MIS18A: variants seen among roughly 807,000 people sequenced by gnomAD.
The protein encoded by MIS18A is protein Mis18-alpha.
Under a neutral mutation model 25.0 loss-of-function variants are expected in MIS18A, and 14 were observed. That is an observed-to-expected ratio of 0.56 (90% CI 0.37 to 0.88). MIS18A has a LOEUF of 0.88. MIS18A is among the 40% of genes least tolerant of loss of function. The pLI, the probability that MIS18A is intolerant of heterozygous loss-of-function variation, is 0.00. For synonymous variants in MIS18A, 134 were observed against 118.6 expected (o/e 1.13, Z -0.84); for missense variants, 292 against 290.8 (o/e 1.00, Z -0.03).
chr21:32,176,711 T>C, the MIS18A span, among the ~76,000 whole-genome samples: 1 of 150,028 alleles, frequency 6.7e-6, no homozygotes, highest in Non-Finnish European at 1.5e-5. Flanking sequence ...AGGAAGGTAA[T>C]AATAAAGAAA....
the MIS18A span, chr21:32,260,253 G>T: frequency 1.3e-5 from 2 of 152,208 alleles, no homozygotes; most frequent in South Asian, 4.2e-4. Flanking sequence ...AATAAGGTCA[G>T]ACCATGCTGA....
At chr21:32,238,998 CTAACA>C in the MIS18A span, among the ~76,000 whole-genome samples, 1 of 151,978 alleles carries the variant, frequency 6.6e-6, no homozygotes, top group African/African-American at 2.4e-5. Flanking sequence ...CGGATTCCAC[CTAACA>C]TAACATTGTC....
the MIS18A span, chr21:32,260,206 G>A: frequency 1.3e-5 from 2 of 151,382 alleles, no homozygotes; most frequent in African/African-American, 2.4e-5. Flanking sequence ...AGTATTCCAG[G>A]AACAGTTCCC....
the MIS18A span, among the ~76,000 whole-genome samples, chr21:32,209,649 T>C: frequency 1.3e-5 from 2 of 152,294 alleles, no homozygotes; most frequent in South Asian, 4.1e-4. Flanking sequence ...GTAGTCCCCA[T>C]AATCCTCATG....
At chr21:32,242,444 GA>G in the MIS18A span, among the ~76,000 whole-genome samples, 8 of 151,918 alleles carry the variant, frequency 5.3e-5, no homozygotes, top group East Asian at 1.2e-3. Context: ...TTTGGTTGGG[GA>G]AAAAGGTCAT....
At chr21:32,272,284 A>AT (rs1460014332) in intron 2 of MIS18A, among the ~76,000 whole-genome samples, 1 of 152,240 alleles carries the variant, frequency 6.6e-6, no homozygotes, top group Non-Finnish European at 1.5e-5. Context: ...CCTTCACAAC[A>AT]TATTTCTAAA....
the MIS18A span, among the ~76,000 whole-genome samples, chr21:32,196,087 G>C: frequency 7.6e-3 from 1,155 of 152,256 alleles, 12 homozygotes; most frequent in Non-Finnish European, 0.012. Flanking sequence ...TGGGCCATGG[G>C]GGTGTCCAGA....
Position 32,278,749 on chromosome 21 carries a change from C to A in MIS18A, c.266G>T (p.Arg89Leu). 1.3e-6 allele frequency: 2 copies of A among 1,577,284 alleles called. No individual in the cohort carries two copies. The highest frequency in any genetic ancestry group is 1.7e-6 in the Non-Finnish European group (2 of 1,167,770). ...RPLVFLCSGCRRPLGDSLSWV... is the reference protein window; with the variant it reads ...RPLVFLCSGCLRPLGDSLSWV... ...GCTCAGCGAGTCGCCCAGCGGCCGC[C>A]GGCAGCCGGAGCACAGGAACACCAG... The change falls in exon 1 of 5, where the codon CGG (arginine) becomes CTG (leucine). Residue 89 changes from arginine to leucine, a missense_variant. Arg to Leu is a moderately radical substitution (Grantham distance 102, BLOSUM62 -2). Transcript: ENST00000290130.
the MIS18A span, among the ~76,000 whole-genome samples, chr21:32,232,197 C>A: frequency 2.6e-5 from 4 of 151,774 alleles, no homozygotes; most frequent in African/African-American, 7.2e-5. Context: ...AGGATCTGAG[C>A]AAATATACCA....
chr21:32,201,926 G>A, the MIS18A span, among the ~76,000 whole-genome samples: 1 of 152,234 alleles, frequency 6.6e-6, no homozygotes. Context: ...AGAAAGCCGA[G>A]TATTAGCTGA....
the MIS18A span, among the ~76,000 whole-genome samples, chr21:32,237,979 T>C: frequency 6.6e-6 from 1 of 152,116 alleles, no homozygotes; most frequent in Non-Finnish European, 1.5e-5. Flanking sequence ...TGCCCTGTAA[T>C]CCCTGTGTCA....
In MIS18A at chr21:32,269,001, A is replaced by G; in HGVS notation, c.*36T>C. ...GCTTCATTTAACAAATAAGGGGAGG[A>G]AGGGCGGGGGCAGAATGGAGGACAC... On this transcript the variant is annotated 3_prime_UTR_variant, in exon 5 of 5. Transcript: ENST00000290130. 7.1e-7 allele frequency: 1 copy of G among 1,406,406 alleles called. No individual in the cohort carries two copies. Among genetic ancestry groups the G allele is most frequent in the Middle Eastern group, 1.8e-4 (1 of 5,464 alleles). 87.1% of individuals were successfully genotyped at this position (1,406,406 alleles called of 1,614,324 possible).
At chr21:32,218,598 C>T in the MIS18A span, among the ~76,000 whole-genome samples, 3 of 152,022 alleles carry the variant, frequency 2.0e-5, no homozygotes, top group African/African-American at 7.3e-5. Flanking sequence ...TGAATCCTAG[C>T]TTGTCATAAA....
chr21:32,242,272 G>C, the MIS18A span, among the ~76,000 whole-genome samples: 2 of 152,206 alleles, frequency 1.3e-5, no homozygotes, highest in Non-Finnish European at 1.5e-5. Flanking sequence ...GGATGATAAG[G>C]CTCCATGGCC....
downstream of MIS18A, among the ~76,000 whole-genome samples, chr21:32,264,814 C>T (rs2031562984): frequency 6.6e-6 from 1 of 152,184 alleles, no homozygotes; most frequent in South Asian, 2.1e-4. Flanking sequence ...CTAGAATCAT[C>T]CGGGTAGGAC....
At chr21:32,219,832 C>A in the MIS18A span, among the ~76,000 whole-genome samples, 20 of 152,288 alleles carry the variant, frequency 1.3e-4, no homozygotes, top group Non-Finnish European at 2.6e-4. Context: ...AGGTGATTTC[C>A]CCCTCACAGT....
the MIS18A span, among the ~76,000 whole-genome samples, chr21:32,201,317 C>A: frequency 6.6e-6 from 1 of 152,044 alleles, no homozygotes; most frequent in African/African-American, 2.4e-5. Flanking sequence ...ATAGAGGAAC[C>A]AGGTGGAAAA....
At chr21:32,192,049 A>G in the MIS18A span, among the ~76,000 whole-genome samples, 1 of 152,194 alleles carries the variant, frequency 6.6e-6, no homozygotes, top group South Asian at 2.1e-4. Flanking sequence ...AATAAAACCC[A>G]TTGGAAGGAA....
chr21:32,203,565 A>G, the MIS18A span, among the ~76,000 whole-genome samples: 21 of 146,156 alleles, frequency 1.4e-4, no homozygotes, highest in Middle Eastern at 3.6e-3. Flanking sequence ...CTAGCAATCT[A>G]TATCTAGCTA....
Sources: allele counts gnomAD v4.1 joint callset (sites outside exome capture counted in the v4.1 genomes callset), GRCh38; gene constraint gnomAD v4.1.1; transcripts MANE v1.5; gene names NCBI Gene and HGNC (gene_info 2026-07-23, HGNC 2026-07-21).